The following GALNTL6 variants were observed in gnomAD, a reference collection of about 807,000 sequenced individuals.
GALNTL6 encodes the protein polypeptide N-acetylgalactosaminyltransferase-like 6.
In GALNTL6, 46 loss-of-function variants were observed where a neutral mutation model predicts 73.7. The ratio of observed to expected loss-of-function variants is 0.62; its 90% confidence interval spans 0.49 to 0.80. The LOEUF (loss-of-function observed/expected upper bound fraction) is 0.80. Among genes scored for constraint, GALNTL6 ranks in the 30% least tolerant of loss-of-function variants. GALNTL6 has a pLI of 0.00. For missense variants in GALNTL6, 604 were observed against 755.0 expected (o/e 0.80, Z 2.34); for synonymous variants, 259 against 263.7 (o/e 0.98, Z 0.17).
chr4:172,899,254 AAT>A (rs1393163880), intron 8 of GALNTL6, among the ~76,000 whole-genome samples: 4 of 152,224 alleles, frequency 2.6e-5, no homozygotes, highest in Admixed American at 2.6e-4. Flanking sequence ...AGTGTCATAA[AAT>A]AAGTGTCACC....
intron 10 of GALNTL6, among the ~76,000 whole-genome samples, chr4:172,961,223 C>T (rs28773603): frequency 8.1e-5 from 3 of 37,148 alleles, no homozygotes; most frequent in African/African-American, 2.3e-4. Context: ...GGTAGAGACA[C>T]GGGGAGAAGG....
intron 5 of GALNTL6, among the ~76,000 whole-genome samples, chr4:172,581,887 C>G (rs1737204254): frequency 1.3e-5 from 2 of 152,148 alleles, no homozygotes; most frequent in African/African-American, 2.4e-5. Flanking sequence ...ATCTTCAGAC[C>G]AGGTCAGGAT....
At chr4:172,754,831 C>T (rs183251154) in intron 5 of GALNTL6, among the ~76,000 whole-genome samples, 92 of 140,662 alleles carry the variant, frequency 6.5e-4, no homozygotes, top group African/African-American at 2.1e-3. Flanking sequence ...ACTCAAGGAA[C>T]CTCACTTCCA....
At chr4:172,247,220 T>G (rs1464159264) in intron 3 of GALNTL6, among the ~76,000 whole-genome samples, 1 of 152,152 alleles carries the variant, frequency 6.6e-6, no homozygotes, top group Admixed American at 6.5e-5. Flanking sequence ...GCACTGACAA[T>G]TGATGTTTGA....
At chr4:171,934,049 T>C (rs1413578908) in intron 2 of GALNTL6, among the ~76,000 whole-genome samples, 4 of 152,234 alleles carry the variant, frequency 2.6e-5, no homozygotes, top group Admixed American at 1.3e-4. Context: ...TACAAGAATC[T>C]ACTTTTAACA....
At chr4:172,657,761 G>T (rs1174594088) in intron 5 of GALNTL6, among the ~76,000 whole-genome samples, 1 of 151,892 alleles carries the variant, frequency 6.6e-6, no homozygotes, top group Non-Finnish European at 1.5e-5. Flanking sequence ...TGAGGGAAAA[G>T]TGACTGATTA....
intron 5 of GALNTL6, among the ~76,000 whole-genome samples, chr4:172,368,939 A>T (rs1194617591): frequency 6.6e-6 from 1 of 152,216 alleles, no homozygotes; most frequent in East Asian, 1.9e-4. Flanking sequence ...TGAGTATTAC[A>T]GCTCATAAAG....
chr4:172,219,557 G>C (rs935661854), intron 2 of GALNTL6, among the ~76,000 whole-genome samples: 1 of 151,882 alleles, frequency 6.6e-6, no homozygotes, highest in African/African-American at 2.4e-5. Flanking sequence ...GTACAGAGTA[G>C]ATACCAGGAA....
intron 7 of GALNTL6, among the ~76,000 whole-genome samples, chr4:172,820,523 CA>C (rs1741865068): frequency 6.6e-6 from 1 of 152,124 alleles, no homozygotes; most frequent in East Asian, 1.9e-4. Context: ...ATGGACTGGT[CA>C]AACTGAGAAT....
At chr4:171,835,607 A>G (rs1031761732) in intron 2 of GALNTL6, among the ~76,000 whole-genome samples, 3 of 151,908 alleles carry the variant, frequency 2.0e-5, no homozygotes, top group Non-Finnish European at 1.5e-5. Context: ...TTATTTATGG[A>G]TATAGCATTA....
chr4:172,443,750 T>C, intron 5 of GALNTL6, among the ~76,000 whole-genome samples: 1 of 152,196 alleles, frequency 6.6e-6, no homozygotes, highest in East Asian at 1.9e-4. Context: ...TGGTAAAAGC[T>C]ATTAAAATTT....
At chr4:172,191,340 T>G (rs572963611) in intron 2 of GALNTL6, among the ~76,000 whole-genome samples, 9 of 152,340 alleles carry the variant, frequency 5.9e-5, no homozygotes, top group Admixed American at 2.0e-4. Flanking sequence ...ATCACCTTTC[T>G]GTTCACATAA....
intron 5 of GALNTL6, among the ~76,000 whole-genome samples, chr4:172,654,279 G>A (rs1440972185): frequency 6.6e-6 from 1 of 152,138 alleles, no homozygotes; most frequent in African/African-American, 2.4e-5. Flanking sequence ...TGCACTGTAA[G>A]TACAATTATG....
intron 5 of GALNTL6, among the ~76,000 whole-genome samples, chr4:172,461,662 T>C (rs1732624054): frequency 6.6e-6 from 1 of 152,196 alleles, no homozygotes; most frequent in Non-Finnish European, 1.5e-5. Flanking sequence ...TACTAAATTG[T>C]AAAAGAGAAT....
intron 2 of GALNTL6, among the ~76,000 whole-genome samples, chr4:172,115,736 A>G (rs1732968146): frequency 6.6e-6 from 1 of 152,144 alleles, no homozygotes. Flanking sequence ...ATCGTGGAAC[A>G]GTAAGCCTGA....
chr4:172,051,503 A>G (rs1396807990), intron 2 of GALNTL6, among the ~76,000 whole-genome samples: 1 of 152,104 alleles, frequency 6.6e-6, no homozygotes, highest in Admixed American at 6.6e-5. Context: ...TGGGGTGGGA[A>G]GGTGATCTTC....
chr4:172,706,953 C>T (rs959242148), intron 5 of GALNTL6, among the ~76,000 whole-genome samples: 1 of 152,166 alleles, frequency 6.6e-6, no homozygotes, highest in Non-Finnish European at 1.5e-5. Context: ...TTTCAACCTA[C>T]ATGCACTTGC....
chr4:172,529,204 A>G (rs1172181126), intron 5 of GALNTL6, among the ~76,000 whole-genome samples: 1 of 151,668 alleles, frequency 6.6e-6, no homozygotes, highest in African/African-American at 2.4e-5. Context: ...GTTAAATTAT[A>G]TTCTAGCTGA....
At chr4:172,859,213 A>T (rs1168214034) in intron 7 of GALNTL6, among the ~76,000 whole-genome samples, 5 of 152,216 alleles carry the variant, frequency 3.3e-5, no homozygotes, top group African/African-American at 1.2e-4. Flanking sequence ...AAGACTGAAG[A>T]TCACACAAAG....
Sources: gnomAD v4.1 joint callset for allele counts (sites outside exome capture counted in the v4.1 genomes callset) on GRCh38, gnomAD v4.1.1 for gene constraint, MANE v1.5 for transcripts, NCBI Gene and HGNC (gene_info 2026-07-23, HGNC 2026-07-21) for gene names.